IL1RAPL2: variants seen among roughly 807,000 people sequenced by gnomAD.
IL1RAPL2 encodes X-linked interleukin-1 receptor accessory protein-like 2.
Under a neutral mutation model 44.1 loss-of-function variants are expected in IL1RAPL2, and 3 were observed. That is an observed-to-expected ratio of 0.07 (90% CI 0.03 to 0.18). The LOEUF is 0.18. IL1RAPL2 is among the 10% of genes least tolerant of loss of function. The pLI, the probability that IL1RAPL2 is intolerant of heterozygous loss-of-function variation, is 1.00. For missense variants in IL1RAPL2, 391 were observed against 496.4 expected, an observed-to-expected ratio of 0.79 and a Z score of 2.02; for synonymous variants, 181 against 178.8, an observed-to-expected ratio of 1.01 and a Z score of -0.10.
chrX:104,998,256 G>T (rs1005663416), intron 2 of IL1RAPL2, among the ~76,000 whole-genome samples: 85 of 111,611 alleles, frequency 7.6e-4, no homozygotes, highest in Non-Finnish European at 9.4e-4. Flanking sequence ...TGAGGACAGA[G>T]AATTTCTATT....
At chrX:104,730,365 C>G (rs1278483867) in intron 2 of IL1RAPL2, among the ~76,000 whole-genome samples, 1 of 73,585 alleles carries the variant, frequency 1.4e-5, no homozygotes, top group Non-Finnish European at 2.9e-5. Flanking sequence ...TAATGCTATC[C>G]CTCCCCTCCC....
At chrX:105,624,943 T>C (rs1278699980) in intron 6 of IL1RAPL2, among the ~76,000 whole-genome samples, 1 of 112,354 alleles carries the variant, frequency 8.9e-6, no homozygotes, top group Non-Finnish European at 1.9e-5. Context: ...GGGCAGTAGA[T>C]ACTAAATAAA....
intron 6 of IL1RAPL2, among the ~76,000 whole-genome samples, chrX:105,588,681 G>T (rs1448055635): frequency 1.6e-4 from 18 of 111,615 alleles, no homozygotes; most frequent in African/African-American, 5.9e-4. Flanking sequence ...TAGGATGATG[G>T]CATCTAGCTC....
At chrX:104,906,515 AG>A (rs772512759) in intron 2 of IL1RAPL2, among the ~76,000 whole-genome samples, 1 of 111,630 alleles carries the variant, frequency 9.0e-6, no homozygotes. Flanking sequence ...TTTAGCATGA[AG>A]GGTTGTTGAA....
Position 105,740,710 on chromosome X carries a change from A to G in IL1RAPL2, c.1048+19A>G, listed in dbSNP as rs778846896. On this transcript the variant is annotated intron_variant, in intron 8 of 10. Coordinates refer to ENST00000372582, the MANE Select transcript of IL1RAPL2 (RefSeq NM_017416.2). ...AAAAAGGGTATTTATTTTTATAACT[A>G]TAACTATGGTTTGCTTAGCTATCAA... 5 of 1,185,100 alleles carry G rather than the reference A, an allele frequency of 4.2e-6. No individual in the cohort carries two copies. The highest frequency in any genetic ancestry group is 2.2e-5 in the Admixed American group (1 of 45,150).
intron 5 of IL1RAPL2, among the ~76,000 whole-genome samples, chrX:105,310,978 A>T (rs1402646144): frequency 9.0e-6 from 1 of 111,583 alleles, no homozygotes; most frequent in African/African-American, 3.2e-5. Flanking sequence ...GGGTTTGCTT[A>T]TGTATTTTGA....
At chrX:105,333,567 G>A (rs2035004304) in intron 5 of IL1RAPL2, among the ~76,000 whole-genome samples, 2 of 111,374 alleles carry the variant, frequency 1.8e-5, no homozygotes, top group East Asian at 2.8e-4. Flanking sequence ...AACCAACAAA[G>A]TGAAGAGACA....
At chrX:104,882,303 AT>A (rs1377841071) in intron 2 of IL1RAPL2, among the ~76,000 whole-genome samples, 2 of 112,252 alleles carry the variant, frequency 1.8e-5, no homozygotes, top group Admixed American at 9.5e-5. Flanking sequence ...AGCAAAAGAA[AT>A]TCATGAGGTG....
chrX:105,295,793 A>C (rs1341675770), intron 5 of IL1RAPL2, among the ~76,000 whole-genome samples: 2 of 111,510 alleles, frequency 1.8e-5, no homozygotes, highest in Non-Finnish European at 3.8e-5. Flanking sequence ...TATAGCACTG[A>C]ATTACTTAAT....
chrX:105,299,338 G>A (rs989384454), intron 5 of IL1RAPL2, among the ~76,000 whole-genome samples: 6 of 111,254 alleles, frequency 5.4e-5, no homozygotes, highest in Non-Finnish European at 9.4e-5. Flanking sequence ...CAGAGAAAGA[G>A]GTTTCATCAT....
At chrX:104,729,823 C>T (rs1931868528) in intron 2 of IL1RAPL2, among the ~76,000 whole-genome samples, 1 of 110,805 alleles carries the variant, frequency 9.0e-6, no homozygotes, top group Non-Finnish European at 1.9e-5. Context: ...CATGTTCCTG[C>T]AAAGGACATG....
chrX:105,595,009 A>G (rs909646499), intron 6 of IL1RAPL2, among the ~76,000 whole-genome samples: 2 of 111,683 alleles, frequency 1.8e-5, no homozygotes, highest in South Asian at 3.8e-4. Flanking sequence ...CATGTAACAC[A>G]CTCATTCTGA....
At chrX:104,900,837 G>A (rs1448948057) in intron 2 of IL1RAPL2, among the ~76,000 whole-genome samples, 2 of 111,922 alleles carry the variant, frequency 1.8e-5, no homozygotes, top group Non-Finnish European at 3.8e-5. Flanking sequence ...TCTGGTGGGA[G>A]GAGCTACAAA....
At position 104,599,905 on chromosome X, in the gene IL1RAPL2, G is replaced by A. The variant is rs192102331; in HGVS notation, c.-20+32854G>A. On this transcript the variant is annotated intron_variant, in intron 1 of 10. Coordinates refer to ENST00000372582, the MANE Select transcript of IL1RAPL2 (RefSeq NM_017416.2). ...TATTTGGCTTTTTAAATGTTGACAA[G>A]TCTCAGGTGTATGTTAATAGAAATT... Among the ~76,000 whole-genome samples, 10 of 110,992 alleles carry A rather than the reference G, an allele frequency of 9.0e-5. No individual in the cohort carries two copies. In the East Asian group the frequency reaches 2.8e-3, roughly 32 times the overall value.
intron 2 of IL1RAPL2, among the ~76,000 whole-genome samples, chrX:105,125,790 G>T (rs2032968786): frequency 9.1e-6 from 1 of 110,229 alleles, no homozygotes; most frequent in African/African-American, 3.3e-5. Flanking sequence ...CTATATGTGG[G>T]TTCCACAGAA....
At chrX:105,491,890 A>C (rs1378701000) in intron 6 of IL1RAPL2, among the ~76,000 whole-genome samples, 1 of 111,962 alleles carries the variant, frequency 8.9e-6, no homozygotes, top group Admixed American at 9.5e-5. Flanking sequence ...GAAAAAAGTT[A>C]ACAGTTTACT....
chrX:105,257,053 T>C (rs1023936656), intron 4 of IL1RAPL2, among the ~76,000 whole-genome samples: 1 of 111,825 alleles, frequency 8.9e-6, no homozygotes, highest in African/African-American at 3.3e-5. Flanking sequence ...GAAATCTTTC[T>C]AACTATTTGA....
chrX:105,255,694 A>C (rs781325708), intron 4 of IL1RAPL2, among the ~76,000 whole-genome samples: 5 of 111,757 alleles, frequency 4.5e-5, no homozygotes, highest in Non-Finnish European at 9.4e-5. Context: ...TACTACATTG[A>C]ATAGGAGTGG....
intron 2 of IL1RAPL2, among the ~76,000 whole-genome samples, chrX:105,172,968 C>T (rs1178277021): frequency 9.0e-6 from 1 of 110,571 alleles, no homozygotes; most frequent in African/African-American, 3.3e-5. Context: ...GAGAGATAGG[C>T]GTAGGGATAA....
Sources: gnomAD v4.1 joint callset for allele counts (sites outside exome capture counted in the v4.1 genomes callset) on GRCh38, gnomAD v4.1.1 for gene constraint, MANE v1.5 for transcripts, NCBI Gene and HGNC (gene_info 2026-07-23, HGNC 2026-07-21) for gene names.